ARMH3: variants seen among roughly 807,000 people sequenced by gnomAD.
The protein encoded by ARMH3 is armadillo like helical domain containing 3, also known as armadillo-like helical domain-containing protein 3.
In ARMH3, 60 loss-of-function variants were observed where a neutral mutation model predicts 99.1. The observed-to-expected ratio is 0.61, with a 90% confidence interval of 0.49 to 0.75. The LOEUF (loss-of-function observed/expected upper bound fraction) is 0.75, where lower values mean the gene tolerates loss of function less well. Ranked by LOEUF, ARMH3 falls within the 30% of genes least tolerant of loss-of-function variation. ARMH3 has a pLI of 0.00. For synonymous variants in ARMH3, 285 were observed against 292.8 expected (o/e 0.97, Z 0.27); for missense variants, 679 against 843.1 (o/e 0.81, Z 2.41).
In ARMH3 at chr10:101,847,490, G is replaced by C. The variant is rs1315415849; in HGVS notation, c.*38C>G. 1.9e-6 allele frequency: 3 copies of C among 1,593,050 alleles called. No individual in the cohort carries two copies. The African/African-American group carries it at 4.0e-5, about 21-fold the overall frequency. ...CCCCCTCCAGCCCATGATCCTCATG[G>C]GTAAGGGCAGTCAGAGGCTGCTCAG... On this transcript the variant is annotated 3_prime_UTR_variant, in exon 26 of 26. Transcript: ENST00000370033.
intron 24 of ARMH3, 140 bp downstream of exon 24, chr10:101,889,272 C>A (rs1214150918): frequency 2.4e-6 from 2 of 825,770 alleles, no homozygotes; most frequent in East Asian, 4.9e-5. Flanking sequence ...TATCAACCAA[C>A]CCCACACTAA....
chr10:101,985,742 C>T (rs189906706), intron 19 of ARMH3, among the ~76,000 whole-genome samples: 1 of 151,888 alleles, frequency 6.6e-6, no homozygotes, highest in Non-Finnish European at 1.5e-5. Flanking sequence ...ATAGGCCAGG[C>T]GCGGTGGCTC....
At chr10:101,914,379 T>G (rs1842990391) in intron 23 of ARMH3, among the ~76,000 whole-genome samples, 1 of 150,592 alleles carries the variant, frequency 6.6e-6, no homozygotes, top group African/African-American at 2.5e-5. Context: ...TCCCAGCTAC[T>G]CGGGAGGCTG....
At chr10:101,977,678 G>A (rs888199826) in intron 19 of ARMH3, among the ~76,000 whole-genome samples, 1 of 152,212 alleles carries the variant, frequency 6.6e-6, no homozygotes, top group African/African-American at 2.4e-5. Flanking sequence ...TCTGCCCTCA[G>A]GAATAGATTA....
At chr10:102,032,061 T>C (rs1043176348) in intron 4 of ARMH3, among the ~76,000 whole-genome samples, 4 of 152,160 alleles carry the variant, frequency 2.6e-5, no homozygotes, top group South Asian at 2.1e-4. Context: ...ATTCTAAACC[T>C]ATCAATCACT....
intron 19 of ARMH3, among the ~76,000 whole-genome samples, chr10:101,976,243 G>A (rs1244574640): frequency 2.0e-5 from 3 of 149,574 alleles, no homozygotes; most frequent in Non-Finnish European, 4.4e-5. Flanking sequence ...AGGAGGCTGA[G>A]GCAGGAGAAT....
At chr10:101,943,288 G>A (rs1027131166) in intron 22 of ARMH3, among the ~76,000 whole-genome samples, 2 of 152,152 alleles carry the variant, frequency 1.3e-5, no homozygotes, top group African/African-American at 2.4e-5. Context: ...CGAGGGCGAA[G>A]AACCACTAGA....
intron 20 of ARMH3, among the ~76,000 whole-genome samples, chr10:101,966,068 A>T (rs1184069719): frequency 6.6e-6 from 1 of 151,552 alleles, no homozygotes; most frequent in East Asian, 1.9e-4. Flanking sequence ...TAGAGATAGA[A>T]GCAGACAATC....
intron 24 of ARMH3, among the ~76,000 whole-genome samples, chr10:101,861,427 C>T (rs1238128632): frequency 6.6e-6 from 1 of 152,166 alleles, no homozygotes. Flanking sequence ...TCCTGTACTA[C>T]AAGAGATATT....
intron 24 of ARMH3, among the ~76,000 whole-genome samples, chr10:101,880,607 C>A (rs1227978399): frequency 6.6e-6 from 1 of 152,122 alleles, no homozygotes; most frequent in Non-Finnish European, 1.5e-5. Flanking sequence ...GCATTCACAC[C>A]GAACACTACC....
At chr10:101,965,593 G>A (rs1712004674) in intron 20 of ARMH3, among the ~76,000 whole-genome samples, 1 of 152,196 alleles carries the variant, frequency 6.6e-6, no homozygotes, top group Non-Finnish European at 1.5e-5. Context: ...TGTTTCATCT[G>A]TTATACTTAA....
At chr10:101,958,303 G>C (rs1007158039) in intron 20 of ARMH3, among the ~76,000 whole-genome samples, 1 of 152,142 alleles carries the variant, frequency 6.6e-6, no homozygotes, top group African/African-American at 2.4e-5. Flanking sequence ...TGAAGCTTGC[G>C]CTGACCTCTC....
At chr10:101,869,801 G>A (rs562811038) in intron 24 of ARMH3, among the ~76,000 whole-genome samples, 102 of 152,318 alleles carry the variant, frequency 6.7e-4, no homozygotes, top group Non-Finnish European at 1.2e-3. Context: ...GAGAGGCTGA[G>A]GGGGGTGGAT....
At chr10:101,888,389 AG>A (rs1343136396) in intron 24 of ARMH3, among the ~76,000 whole-genome samples, 1 of 152,228 alleles carries the variant, frequency 6.6e-6, no homozygotes, top group Non-Finnish European at 1.5e-5. Flanking sequence ...AATATGTCAA[AG>A]GGAACAACTG....
intron 24 of ARMH3, among the ~76,000 whole-genome samples, chr10:101,862,099 A>G (rs939928168): frequency 2.0e-5 from 3 of 150,636 alleles, no homozygotes; most frequent in African/African-American, 7.3e-5. Flanking sequence ...AAGGAAACTT[A>G]TATCACCTGT....
chr10:102,050,586 G>A (rs1174028538), intron 1 of ARMH3, among the ~76,000 whole-genome samples: 1 of 152,144 alleles, frequency 6.6e-6, no homozygotes, highest in African/African-American at 2.4e-5. Context: ...CACCAAATGT[G>A]GTGGCTCAAG....
chr10:101,977,422 T>C (rs1191256573), intron 19 of ARMH3, among the ~76,000 whole-genome samples: 1 of 152,080 alleles, frequency 6.6e-6, no homozygotes, highest in Admixed American at 6.5e-5. Flanking sequence ...ATACAAATAA[T>C]TTAATAAAAA....
At chr10:102,037,761 T>C (rs1475264709) in intron 2 of ARMH3, among the ~76,000 whole-genome samples, 1 of 151,942 alleles carries the variant, frequency 6.6e-6, no homozygotes, top group Non-Finnish European at 1.5e-5. Context: ...ACCCACTTAA[T>C]TTTGTTATTA....
intron 23 of ARMH3, among the ~76,000 whole-genome samples, chr10:101,902,116 T>G (rs1208913992): frequency 6.6e-6 from 1 of 152,134 alleles, no homozygotes; most frequent in Non-Finnish European, 1.5e-5. Flanking sequence ...ATCCTAAGAT[T>G]TACAAATGGC....
Sources: gnomAD v4.1 joint callset for allele counts (sites outside exome capture counted in the v4.1 genomes callset) on GRCh38, gnomAD v4.1.1 for gene constraint, MANE v1.5 for transcripts, NCBI Gene and HGNC (gene_info 2026-07-23, HGNC 2026-07-21) for gene names.